Variants in CFI observed in about 807,000 individuals in gnomAD.
CFI encodes the protein complement factor I.
A neutral mutation model predicts 78.8 loss-of-function variants in CFI; 66 were observed. The ratio of observed to expected loss-of-function variants is 0.84; its 90% CI spans 0.69 to 1.03. The LOEUF (loss-of-function observed/expected upper bound fraction) is 1.03. Among genes scored for constraint, CFI ranks in the 50% least tolerant of loss-of-function variants. CFI has a pLI of 0.00. For synonymous variants in CFI, 250 were observed against 232.6 expected, an observed-to-expected ratio of 1.07 and a Z score of -0.68; for missense variants, 706 against 704.5, an observed-to-expected ratio of 1.00 and a Z score of -0.02.
At chr4:109,743,288 A>G (rs1028194167) in intron 11 of CFI, among the ~76,000 whole-genome samples, 3 of 152,188 alleles carry the variant, frequency 2.0e-5, no homozygotes, top group Admixed American at 6.5e-5. Context: ...TTTTTTAAAA[A>G]TAGTAATTTC....
At chr4:109,759,046 T>C (rs1273375180) in intron 6 of CFI, among the ~76,000 whole-genome samples, 1 of 152,198 alleles carries the variant, frequency 6.6e-6, no homozygotes, top group Non-Finnish European at 1.5e-5. Context: ...TGAGCCTACA[T>C]TGTGCCACTG....
At chr4:109,770,277 T>C (rs1728395981) in intron 1 of CFI, among the ~76,000 whole-genome samples, 1 of 152,074 alleles carries the variant, frequency 6.6e-6, no homozygotes, top group South Asian at 2.1e-4. Context: ...TGACTGGTTT[T>C]GACTAGGCAC....
At chr4:109,758,250 A>G (rs1270425230) in intron 6 of CFI, among the ~76,000 whole-genome samples, 1 of 151,720 alleles carries the variant, frequency 6.6e-6, no homozygotes, top group Non-Finnish European at 1.5e-5. Flanking sequence ...GGCGTGAGCC[A>G]CTGCACTTGG....
Position 109,740,931 on chromosome 4 carries a change from G to A in CFI, c.1714C>T (p.His572Tyr), listed in dbSNP as rs2126177924. 1 of 1,614,092 alleles carries A rather than the reference G, an allele frequency of 6.2e-7. No individual in the cohort carries two copies. The highest frequency in any genetic ancestry group is 8.5e-7 in the Non-Finnish European group (1 of 1,179,986). ...TGAGAAATAAAAGGCCTTCCTACATGGTAGCTAATCCAGTCAAAATAATTG... is the reference window on the plus strand; with the variant it reads ...TGAGAAATAAAAGGCCTTCCTACATAGTAGCTAATCCAGTCAAAATAATTG... ...VANYFDWISY[H>Y]VGRPFISQYN... Residue 572 changes from histidine (H) to tyrosine (Y), a missense_variant, in exon 13 of 13, where the codon CAT (histidine) becomes TAT (tyrosine). Physicochemically the swap from His to Tyr is moderately conservative, Grantham distance 83. Transcript: ENST00000394634.
At chr4:109,769,735 G>A (rs778918449) in intron 1 of CFI, among the ~76,000 whole-genome samples, 63 of 152,182 alleles carry the variant, frequency 4.1e-4, no homozygotes, top group Non-Finnish European at 7.9e-4. Context: ...TGCTGAGGTT[G>A]CTTACCTTTG....
chr4:109,771,207 T>C (rs1407608225), intron 1 of CFI, among the ~76,000 whole-genome samples: 2 of 151,224 alleles, frequency 1.3e-5, no homozygotes, highest in Non-Finnish European at 2.9e-5. Flanking sequence ...CAGGCCAGCA[T>C]GGTGAAACCC....
intron 2 of CFI, 51 bp downstream of exon 2, chr4:109,766,503 A>G (rs1392231476): frequency 1.3e-6 from 2 of 1,598,400 alleles, no homozygotes; most frequent in Admixed American, 1.7e-5. Context: ...AGTATGGCAT[A>G]CAAATACCCT....
intron 1 of CFI, among the ~76,000 whole-genome samples, chr4:109,789,642 T>C (rs1202564319): frequency 6.6e-6 from 1 of 152,092 alleles, no homozygotes; most frequent in Non-Finnish European, 1.5e-5. Flanking sequence ...ATTAGCAGCA[T>C]ACCTGCAGTA....
intron 7 of CFI, among the ~76,000 whole-genome samples, chr4:109,756,379 G>A (rs1444942707): frequency 9.3e-5 from 9 of 96,456 alleles, no homozygotes; most frequent in African/African-American, 2.6e-4. Context: ...GAGGACGAGG[G>A]AAGAGATGGA....
chr4:109,736,482 T>A (rs1352940043), downstream of CFI, among the ~76,000 whole-genome samples: 3 of 151,676 alleles, frequency 2.0e-5, no homozygotes, highest in African/African-American at 7.3e-5. Context: ...ATGGCATTAA[T>A]AGCTTTCAAG....
At chr4:109,775,102 G>A (rs138223394) in intron 1 of CFI, among the ~76,000 whole-genome samples, 14,140 of 152,094 alleles carry the variant, frequency 0.093, 1,430 homozygotes, top group African/African-American at 0.25. Flanking sequence ...TGTGAGCGAC[G>A]CAGAAGACGG....
intron 1 of CFI, among the ~76,000 whole-genome samples, chr4:109,790,525 T>C (rs975473495): frequency 6.6e-6 from 1 of 152,102 alleles, no homozygotes; most frequent in African/African-American, 2.4e-5. Flanking sequence ...GTACAGATTA[T>C]TGTATCACCC....
At chr4:109,786,453 A>T (rs1356343850) in intron 1 of CFI, among the ~76,000 whole-genome samples, 1 of 152,120 alleles carries the variant, frequency 6.6e-6, no homozygotes, top group Non-Finnish European at 1.5e-5. Context: ...TAGAACACAA[A>T]CAAGAAATAA....
intron 8 of CFI, among the ~76,000 whole-genome samples, chr4:109,752,207 AG>A: frequency 6.6e-6 from 1 of 152,308 alleles, no homozygotes; most frequent in Admixed American, 6.5e-5. Flanking sequence ...AAATAGAAAA[AG>A]CTTATGTATG....
At position 109,753,233 on chromosome 4, in the gene CFI, A is replaced by ATATTTATAATATATTTATTATAT. The variant is rs1561292795; in HGVS notation, c.905-731_905-730insATATAATAAATATATTATAAATA. On this transcript the variant is annotated intron_variant, in intron 7 of 12. Transcript: ENST00000394634. ...TATATTTATAATATATTTATAATAT[A>ATATTTATAATATATTTATTATAT]AATAAATATTTATAATATATATTTA... Among the ~76,000 whole-genome samples the ATATTTATAATATATTTATTATAT allele has an allele frequency of 5.7e-4, 2 of 3,524 alleles. 1 individual carries two copies. 2.3% of individuals were successfully genotyped at this position (3,524 alleles called of 152,430 possible). A position where few individuals can be genotyped will look rare whatever the true frequency, so the allele number is the denominator to read the frequency against.
intron 8 of CFI, among the ~76,000 whole-genome samples, chr4:109,751,438 CTTTTTTTT>C (rs66497003): frequency 1.0e-5 from 1 of 100,356 alleles, no homozygotes. Context: ...AGAGCTAAAT[CTTTTTTTT>C]TTTTTTTTTT....
chr4:109,754,986 C>T (rs9997805), intron 7 of CFI, among the ~76,000 whole-genome samples: 1 of 152,210 alleles, frequency 6.6e-6, no homozygotes, highest in African/African-American at 2.4e-5. Flanking sequence ...GGATAGAGTT[C>T]ACAGATGAGA....
rs758910398 is a variant in CFI, at chr4:109,801,935, A to C, written c.37T>G (p.Phe13Val). The part of the protein sequence containing the change: ...LLHVFLLFLC[F>V]HLRFCKVTYT... ...CTTACCTTGCAAAACCTTAAGTGGA[A>C]GCACAGAAATAACAGGAAAACATGA... Residue 13 changes from phenylalanine to valine, a missense_variant, in exon 1 of 13, where the codon TTC (phenylalanine) becomes GTC (valine). By Grantham distance (50) the Phe-to-Val change is conservative. Coordinates refer to ENST00000394634, the MANE Select transcript of CFI (RefSeq NM_000204.5). 3.1e-6 allele frequency: 5 copies of C among 1,612,080 alleles called. No homozygotes were observed. The highest frequency in any genetic ancestry group is 4.2e-6 in the Non-Finnish European group (5 of 1,178,646).
At chr4:109,745,724 G>A (rs906513195) in intron 11 of CFI, among the ~76,000 whole-genome samples, 9 of 151,954 alleles carry the variant, frequency 5.9e-5, no homozygotes, top group Admixed American at 4.6e-4. Context: ...GGGCATCAGC[G>A]ATTCAACATA....
Sources: allele counts gnomAD v4.1 joint callset (sites outside exome capture counted in the v4.1 genomes callset), GRCh38; gene constraint gnomAD v4.1.1; transcripts MANE v1.5; gene names NCBI Gene and HGNC (gene_info 2026-07-23, HGNC 2026-07-21).